Variants in SEC23A observed in about 807,000 individuals in gnomAD.
SEC23A encodes protein transport protein Sec23A.
A neutral mutation model predicts 103.7 loss-of-function variants in SEC23A; 56 were observed. That is an observed-to-expected ratio of 0.54 (90% CI 0.44 to 0.67). SEC23A has a LOEUF of 0.67. Ranked by LOEUF, SEC23A falls within the 30% of genes least tolerant of loss-of-function variation. The pLI, the probability that SEC23A is intolerant of heterozygous loss-of-function variation, is 0.00. For missense variants in SEC23A, 784 were observed against 936.4 expected (o/e 0.84, Z 2.12); for synonymous variants, 281 against 293.0 (o/e 0.96, Z 0.42).
In SEC23A at chr14:39,061,774, A is replaced by G. The variant is rs1886488283; in HGVS notation, c.1496T>C (p.Ile499Thr). ...SGQRRIRVTT[I>T]ARNWADAQTQ... ...AACAAATACAACTTACTTCCTAGCA[A>G]TGGTGGTCACTCGGATGCGTCTCTG... is the stretch of plus-strand genomic sequence containing the variant. The change falls in exon 13 of 20, where the codon ATT (isoleucine) becomes ACT (threonine). Residue 499 changes from isoleucine to threonine, a missense_variant. Transcript: ENST00000307712. 1.2e-6 allele frequency: 2 copies of G among 1,607,868 alleles called. No individual in the cohort carries two copies. The highest frequency in any genetic ancestry group is 1.3e-5 in the African/African-American group (1 of 74,796).
chr14:39,086,031 A>C, intron 6 of SEC23A, 125 bp from the exon 7 acceptor site: 8 of 845,690 alleles, frequency 9.5e-6, no homozygotes, highest in Non-Finnish European at 1.4e-5. Context: ...AATGGTTCTC[A>C]AACTTTCGTG....
intron 1 of SEC23A, among the ~76,000 whole-genome samples, chr14:39,102,264 G>A (rs1888129385): frequency 6.6e-6 from 1 of 152,096 alleles, no homozygotes; most frequent in South Asian, 2.1e-4. Flanking sequence ...CTTCTGAAAT[G>A]ATGTTCATTC....
intron 13 of SEC23A, among the ~76,000 whole-genome samples, chr14:39,057,643 T>C (rs965272009): frequency 2.0e-5 from 3 of 152,174 alleles, no homozygotes; most frequent in South Asian, 4.1e-4. Flanking sequence ...ACTCGGATTA[T>C]AGGCATGAGC....
At chr14:39,079,689 G>A (rs1887154956) in intron 7 of SEC23A, among the ~76,000 whole-genome samples, 1 of 152,092 alleles carries the variant, frequency 6.6e-6, no homozygotes, top group Non-Finnish European at 1.5e-5. Flanking sequence ...AGGCGGGGTG[G>A]CGGGTACCTA....
chr14:39,063,308 A>G lies in SEC23A; in HGVS notation c.1398+16T>C. ...GTACGTTGTACGTTTTGATATTCAG[A>G]TGTAGAAAGTCATACCTGATTGACA... is the stretch of plus-strand genomic sequence containing the variant. On this transcript the variant is annotated intron_variant, in intron 12 of 19. Transcript: ENST00000307712. The G allele has an allele frequency of 6.9e-7, 1 of 1,445,898 alleles. No homozygotes were observed. The highest frequency in any genetic ancestry group is 1.4e-5 in the African/African-American group (1 of 71,654). The allele number at this position is 1,445,898 out of a possible 1,614,324, so 89.6% of individuals were successfully genotyped here.
intron 17 of SEC23A, among the ~76,000 whole-genome samples, chr14:39,041,740 G>A (rs1885654458): frequency 6.6e-6 from 1 of 151,872 alleles, no homozygotes; most frequent in Non-Finnish European, 1.5e-5. Flanking sequence ...GTGGTGGCAT[G>A]TGCCTGTAAT....
At chr14:39,067,022 G>A (rs1404891694) in intron 10 of SEC23A, 151 bp downstream of exon 10, 9 of 882,368 alleles carry the variant, frequency 1.0e-5, no homozygotes, top group Non-Finnish European at 1.6e-5. Flanking sequence ...CACTCTTCTG[G>A]TGAAGAAAAT....
At chr14:39,075,141 T>C (rs1258821202) in intron 8 of SEC23A, among the ~76,000 whole-genome samples, 1 of 151,972 alleles carries the variant, frequency 6.6e-6, no homozygotes, top group African/African-American at 2.4e-5. Context: ...GAGAACTCTC[T>C]TTCCTAGCTA....
intron 13 of SEC23A, among the ~76,000 whole-genome samples, chr14:39,058,286 A>AT (rs376125773): frequency 0.15 from 21,984 of 144,358 alleles, 1,613 homozygotes; most frequent in Middle Eastern, 0.19. Context: ...TTCTTTCTGT[A>AT]TTTTTTTTTT....
At chr14:39,091,989 A>G (rs1887679232) in intron 4 of SEC23A, among the ~76,000 whole-genome samples, 1 of 152,238 alleles carries the variant, frequency 6.6e-6, no homozygotes, top group Non-Finnish European at 1.5e-5. Flanking sequence ...ACTCTTTTAA[A>G]ATAATTAGTA....
intron 8 of SEC23A, among the ~76,000 whole-genome samples, chr14:39,074,851 T>C (rs1380685569): frequency 6.6e-6 from 1 of 152,230 alleles, no homozygotes; most frequent in South Asian, 2.1e-4. Context: ...CTCACGCCTG[T>C]AATCCCAGCA....
In SEC23A at chr14:39,096,029, T is replaced by A; in HGVS notation, c.90A>T (p.Glu30Asp). The A allele has an allele frequency of 6.2e-7, 1 of 1,614,096 alleles. No individual in the cohort carries two copies. Among genetic ancestry groups the A allele is most frequent in the Non-Finnish European group, 8.5e-7 (1 of 1,179,936 alleles). Residue 30 changes from glutamate (E) to aspartate (D), a missense_variant, in exon 2 of 20, where the codon GAA (glutamate) becomes GAT (aspartate). Coordinates refer to ENST00000307712, the MANE Select transcript of SEC23A (RefSeq NM_006364.4). ...SWNVWPSSRL[E>D]ATRMVVPVAA... ...CCACAGGAACAACCATTCTTGTAGC[T>A]TCCAGTCGACTTGATGGCCAAACAT... is the stretch of plus-strand genomic sequence containing the variant.
At chr14:39,081,764 T>G (rs959523690) in intron 7 of SEC23A, among the ~76,000 whole-genome samples, 6 of 151,746 alleles carry the variant, frequency 4.0e-5, no homozygotes, top group African/African-American at 1.4e-4. Context: ...TATAAAATTT[T>G]TTTTATTTTA....
In SEC23A at chr14:39,033,082, C is replaced by T; in HGVS notation, c.*157G>A. ...GCTCTCATTATAATTCCAGCTTAAT[C>T]TACAAATGTGAACATTTTCCATATG... On this transcript the variant is annotated 3_prime_UTR_variant, in exon 20 of 20. Coordinates refer to ENST00000307712, the MANE Select transcript of SEC23A (RefSeq NM_006364.4). The T allele has an allele frequency of 1.6e-6, 1 of 642,354 alleles. No homozygotes were observed. The highest frequency in any genetic ancestry group is 1.9e-5 in the South Asian group (1 of 52,350). The allele number at this position is 642,354 out of a possible 1,614,324, so 39.8% of individuals were successfully genotyped here.
chr14:39,035,325 T>C (rs769090620), intron 19 of SEC23A, among the ~76,000 whole-genome samples: 8 of 152,232 alleles, frequency 5.3e-5, no homozygotes, highest in Non-Finnish European at 8.8e-5. Flanking sequence ...TATTTATGCC[T>C]GTAATGCCCC....
At chr14:39,078,055 G>C (rs1411746595) in intron 7 of SEC23A, among the ~76,000 whole-genome samples, 5 of 152,084 alleles carry the variant, frequency 3.3e-5, no homozygotes, top group African/African-American at 4.8e-5. Context: ...TTCAAGATCA[G>C]CCTGGGCAAC....
Position 39,093,243 on chromosome 14 carries a change from G to T in SEC23A, c.223C>A (p.Gln75Lys). The change falls in exon 3 of 20, where the codon CAA becomes AAA. Residue 75 changes from glutamine to lysine, a missense_variant and splice_region_variant. Transcript: ENST00000307712. ...TCRAVLNPLC[Q>K]VDYRAKLWAC... ...CAAAGTTTTGCTCGATAATCCACTT[G>T]ACTGTTTTAAAAAAAAAGAAAAGAC... 1 of 1,608,292 alleles carries T rather than the reference G, an allele frequency of 6.2e-7. No individual in the cohort carries two copies. The highest frequency in any genetic ancestry group is 1.1e-5 in the South Asian group (1 of 90,956).
chr14:39,047,653 T>C (rs1189007402), intron 15 of SEC23A, among the ~76,000 whole-genome samples: 15 of 152,212 alleles, frequency 9.9e-5, no homozygotes. Flanking sequence ...TCAAAAGATA[T>C]ATAAAATCAT....
At chr14:39,053,773 A>G (rs988270148) in intron 14 of SEC23A, among the ~76,000 whole-genome samples, 5 of 152,192 alleles carry the variant, frequency 3.3e-5, no homozygotes, top group African/African-American at 9.6e-5. Context: ...TGTTTAAGCT[A>G]GAGTGCATAA....
Sources: gnomAD v4.1 joint callset for allele counts (sites outside exome capture counted in the v4.1 genomes callset) on GRCh38, gnomAD v4.1.1 for gene constraint, MANE v1.5 for transcripts, NCBI Gene and HGNC (gene_info 2026-07-23, HGNC 2026-07-21) for gene names.